ACADS: variants seen among roughly 807,000 people sequenced by gnomAD.
ACADS encodes short-chain specific acyl-CoA dehydrogenase, mitochondrial.
ACADS carries 28 observed loss-of-function variants against 46.8 expected under a neutral mutation model. The ratio of observed to expected loss-of-function variants is 0.60; its 90% CI spans 0.44 to 0.82. ACADS has a LOEUF of 0.82. ACADS is among the 40% of genes least tolerant of loss of function. ACADS has a pLI of 0.00. For synonymous variants in ACADS, 236 were observed against 237.7 expected (o/e 0.99, Z 0.07); for missense variants, 528 against 578.0 (o/e 0.91, Z 0.89).
In ACADS at chr12:120,725,925, C is replaced by G. The variant is rs542140065; in HGVS notation, c.40C>G (p.Arg14Gly). Reference sequence around the variant, plus strand: ...GCTCGCCCGGGCCTCGGGCCCTGCCCGCAGAGGTGAGTGCGCTGGGGATCC... The same window carrying G: ...GCTCGCCCGGGCCTCGGGCCCTGCCGGCAGAGGTGAGTGCGCTGGGGATCC... ...ALLARASGPA[R>G]RALCPRAWRQ... The change falls in exon 1 of 10, where the codon CGC becomes GGC. Residue 14 changes from arginine to glycine, a missense_variant. Transcript: ENST00000242592. 9.3e-5 allele frequency: 144 copies of G among 1,553,114 alleles called. No homozygotes were observed. The highest frequency in any genetic ancestry group is 1.2e-4 in the Non-Finnish European group (140 of 1,159,048).
At chr12:120,738,140 C>G in intron 5 of ACADS, 140 bp from the exon 6 acceptor site, 2 of 1,569,240 alleles carry the variant, frequency 1.3e-6, no homozygotes, top group Non-Finnish European at 1.7e-6. Flanking sequence ...AAGCCTGCAC[C>G]TTCCCCAGAA....
intron 2 of ACADS, 26 bp from the exon 3 acceptor site, chr12:120,736,960 G>A: frequency 1.9e-6 from 3 of 1,580,646 alleles, no homozygotes; most frequent in Non-Finnish European, 2.6e-6. Flanking sequence ...AGCTGCCCAT[G>A]GCGTGCCGTC....
chr12:120,735,544 A>G (rs1316892379), intron 2 of ACADS, among the ~76,000 whole-genome samples: 1 of 152,010 alleles, frequency 6.6e-6, no homozygotes, highest in Non-Finnish European at 1.5e-5. Flanking sequence ...TCACAGGAGT[A>G]TAGAAAAACA....
chr12:120,738,552 G>C lies in ACADS; in HGVS notation c.815G>C (p.Arg272Pro). 6.2e-7 allele frequency: 1 copy of C among 1,610,622 alleles called. No homozygotes were observed. Among genetic ancestry groups the C allele is most frequent in the Non-Finnish European group, 8.5e-7 (1 of 1,179,900 alleles). ...KIAMQTLDMG[R>P]IGIASQALGI... is the part of the protein sequence containing the mutation. ...CCACAGCAAACCCTGGACATGGGCC[G>C]CATCGGCATCGCCTCCCAGGCCCTG... The change falls in exon 7 of 10, where the codon CGC (arginine) becomes CCC (proline). Residue 272 changes from arginine (R) to proline (P), a missense_variant. By Grantham distance (103) the Arg-to-Pro change is moderately radical. Transcript: ENST00000242592.
rs1233243754 is a variant in ACADS at position 120,738,823 on chromosome 12, A to G, written c.937A>G (p.Lys313Glu). 1 of 1,613,820 alleles carries G rather than the reference A, an allele frequency of 6.2e-7. No homozygotes were observed. The highest frequency in any genetic ancestry group is 1.3e-5 in the African/African-American group (1 of 74,928). Residue 313 changes from lysine to glutamate, a missense_variant, in exon 8 of 10, where the codon AAG becomes GAG. Physicochemically the swap from Lys to Glu is moderately conservative, Grantham distance 56. Coordinates refer to ENST00000242592, the MANE Select transcript of ACADS (RefSeq NM_000017.4). ...GTGTGGGGTGGGGCTATTGCAGTTC[A>G]AGTTGGCAGACATGGCCCTGGCCCT... is the stretch of plus-strand genomic sequence containing the variant. ...PLTKLQVIQF[K>E]LADMALALES...
At chr12:120,732,741 G>A (rs1372148163) in intron 2 of ACADS, among the ~76,000 whole-genome samples, 1 of 151,820 alleles carries the variant, frequency 6.6e-6, no homozygotes, top group Non-Finnish European at 1.5e-5. Flanking sequence ...TCCCAGACTG[G>A]GCAGCCGGGC....
intron 2 of ACADS, among the ~76,000 whole-genome samples, chr12:120,730,878 T>C (rs929553958): frequency 7.2e-5 from 11 of 152,212 alleles, no homozygotes; most frequent in Non-Finnish European, 1.3e-4. Context: ...GCTGGTAAGC[T>C]AGAGAAAAAG....
rs1592941294 is a variant in ACADS, at chr12:120,739,122, C to T, written c.1030-18C>T. The T allele has an allele frequency of 6.2e-7, 1 of 1,612,928 alleles. No homozygotes were observed. The highest frequency in any genetic ancestry group is 8.5e-7 in the Non-Finnish European group (1 of 1,180,002). On this transcript the variant is annotated intron_variant, in intron 8 of 9. Transcript: ENST00000242592. ...GGGTCCCCTCAAGGGAAGGCTCTGA[C>T]TGTACCCCCATGTTTAGGAGGCAGC...
chr12:120,731,477 C>T lies in ACADS; in HGVS notation c.210+4288C>T, dbSNP rs1013320806. Among the ~76,000 whole-genome samples, 144 of 136,426 alleles carry T rather than the reference C, an allele frequency of 1.1e-3. 2 individuals are homozygous for T. Among genetic ancestry groups the T allele is most frequent in the South Asian group, 6.5e-3 (28 of 4,280 alleles). The allele number at this position is 136,426 out of a possible 152,430, so 89.5% of individuals were successfully genotyped here. On this transcript the variant is annotated intron_variant, in intron 2 of 9. Coordinates refer to ENST00000242592, the MANE Select transcript of ACADS (RefSeq NM_000017.4). ...ATAGTTTTTTTTTTTTTTTTTGAGG[C>T]GGAGTCTCACTCTGTTGCCCAGGCT...
chr12:120,731,778 C>T (rs1284494574), intron 2 of ACADS, among the ~76,000 whole-genome samples: 185 of 151,796 alleles, frequency 1.2e-3, no homozygotes, highest in Non-Finnish European at 2.0e-3. Context: ...GGCAGAGGAC[C>T]CTGCGGCCTT....
At chr12:120,734,615 AAAGT>A (rs1883367276) in intron 2 of ACADS, among the ~76,000 whole-genome samples, 2 of 152,138 alleles carry the variant, frequency 1.3e-5, no homozygotes, top group African/African-American at 4.8e-5. Context: ...CGTTATTGCC[AAAGT>A]AAGAACTAGG....
At chr12:120,737,214 C>T in intron 3 of ACADS, 79 bp downstream of exon 3, 1 of 1,540,922 alleles carries the variant, frequency 6.5e-7, no homozygotes, top group Non-Finnish European at 8.8e-7. Flanking sequence ...CCTCGGCTCC[C>T]AGCCCTGATC....
intron 2 of ACADS, among the ~76,000 whole-genome samples, chr12:120,734,218 A>G (rs1220455348): frequency 1.3e-5 from 2 of 152,178 alleles, no homozygotes; most frequent in African/African-American, 4.8e-5. Flanking sequence ...CAAAGTCCCT[A>G]TTGCCACGGA....
rs1883524082 is a variant in ACADS at position 120,738,267 on chromosome 12, CCT to C, written c.625-9_625-8del. On this transcript the variant is annotated splice_polypyrimidine_tract_variant and intron_variant, in intron 5 of 9. Transcript: ENST00000242592. The stretch of plus-strand genomic sequence containing the variant: ...GGGGCAGCTCTGAGAAAACCACCCG[CCT>C]CTCCTTTCAGGGCATCAGTGCCTTC... 6.2e-7 allele frequency: 1 copy of C among 1,614,104 alleles called. No individual in the cohort carries two copies.
chr12:120,734,690 C>T (rs549428930), intron 2 of ACADS, among the ~76,000 whole-genome samples: 19 of 151,292 alleles, frequency 1.3e-4, no homozygotes, highest in South Asian at 4.2e-4. Context: ...GAGGATCACT[C>T]GAGCCAGGAG....
At chr12:120,729,419 G>A (rs1883189069) in intron 2 of ACADS, among the ~76,000 whole-genome samples, 1 of 151,804 alleles carries the variant, frequency 6.6e-6, no homozygotes, top group African/African-American at 2.4e-5. Flanking sequence ...CACCATGCCT[G>A]GCTAATTTTT....
rs1482099889 is a variant in ACADS, at chr12:120,732,183, AGGGGCTC to A, written c.211-4802_211-4796del. Reference sequence around the variant, plus strand: ...CCCAGACGGGGTGGTGGCCGGGCAGAGGGGCTCCTCACTTCCCAGTACGGGCGGCCGG... The same window carrying A: ...CCCAGACGGGGTGGTGGCCGGGCAGACTCACTTCCCAGTACGGGCGGCCGG... On this transcript the variant is annotated intron_variant, in intron 2 of 9. Coordinates refer to ENST00000242592, the MANE Select transcript of ACADS (RefSeq NM_000017.4). Among the ~76,000 whole-genome samples, 9 of 152,184 alleles carry A rather than the reference AGGGGCTC, an allele frequency of 5.9e-5. No homozygotes were observed. The East Asian group carries it at 1.7e-3, about 29-fold the overall frequency.
intron 4 of ACADS, 100 bp from the exon 5 acceptor site, chr12:120,737,737 G>A: frequency 6.5e-7 from 1 of 1,548,472 alleles, no homozygotes; most frequent in South Asian, 1.2e-5. Flanking sequence ...CCGAGTCATA[G>A]GGTTTCGTGT....
intron 2 of ACADS, among the ~76,000 whole-genome samples, chr12:120,731,590 G>A (rs1002105029): frequency 7.9e-5 from 12 of 151,940 alleles, no homozygotes; most frequent in African/African-American, 2.9e-4. Context: ...AAGTAGCTGG[G>A]ATTATAGGCG....
Sources: gnomAD v4.1 joint callset for allele counts (sites outside exome capture counted in the v4.1 genomes callset) on GRCh38, gnomAD v4.1.1 for gene constraint, MANE v1.5 for transcripts, NCBI Gene and HGNC (gene_info 2026-07-23, HGNC 2026-07-21) for gene names.